Variants in GDPD1 observed in about 807,000 individuals in gnomAD.
GDPD1 encodes the protein glycerophosphodiester phosphodiesterase domain containing 1.
A neutral mutation model predicts 45.1 loss-of-function variants in GDPD1; 28 were observed. The ratio of observed to expected loss-of-function variants is 0.62; its 90% CI spans 0.46 to 0.85. The LOEUF (loss-of-function observed/expected upper bound fraction) is 0.85. Among genes scored for constraint, GDPD1 ranks in the 40% least tolerant of loss-of-function variants. The pLI, the probability that GDPD1 is intolerant of heterozygous loss-of-function variation, is 0.00. For synonymous variants in GDPD1, 139 were observed against 131.4 expected, an observed-to-expected ratio of 1.06 and a Z score of -0.40; for missense variants, 256 against 364.8, an observed-to-expected ratio of 0.70 and a Z score of 2.43.
intron 2 of GDPD1, among the ~76,000 whole-genome samples, chr17:59,240,728 C>T (rs1481303385): frequency 6.6e-6 from 1 of 152,156 alleles, no homozygotes; most frequent in Non-Finnish European, 1.5e-5. Context: ...GGCTCGGCCT[C>T]CCAAAGTGTT....
chr17:59,273,929 A>G lies in GDPD1; in HGVS notation c.*156A>G, dbSNP rs977092376. 1.6e-5 allele frequency: 13 copies of G among 825,092 alleles called. No individual in the cohort carries two copies. The highest frequency in any genetic ancestry group is 6.0e-6 in the Non-Finnish European group (4 of 661,216). 51.1% of individuals were successfully genotyped at this position (825,092 alleles called of 1,614,324 possible). ...CTGTATGAGAATGTAGAAACTATAT[A>G]TTATATGTATATTTATTTTAAATAA... On this transcript the variant is annotated 3_prime_UTR_variant, in exon 10 of 10. Transcript: ENST00000284116.
Position 59,272,812 on chromosome 17 carries a change from C to T in GDPD1, c.798C>T (p.Asp266=), listed in dbSNP as rs2047453542. 1 of 1,613,178 alleles carries T rather than the reference C, an allele frequency of 6.2e-7. No homozygotes were observed. Among genetic ancestry groups the T allele is most frequent in the Non-Finnish European group, 8.5e-7 (1 of 1,179,166 alleles). The change falls in exon 9 of 10, where the codon GAC becomes GAT. Residue 266 remains aspartate, a synonymous_variant. Coordinates refer to ENST00000284116, the MANE Select transcript of GDPD1 (RefSeq NM_182569.4). ...TACTAATGAGGAAAGCTTTGTTTGA[C>T]CACCTAACTGCTCGAGGCATTCAAG... ...DLLLMRKALF[D]HLTARGIQVY...
chr17:59,222,410 C>T (rs148668996), intron 1 of GDPD1, among the ~76,000 whole-genome samples: 3 of 148,048 alleles, frequency 2.0e-5, no homozygotes, highest in Non-Finnish European at 4.4e-5. Context: ...GTTTCACTGT[C>T]TGAGCCAGGA....
At chr17:59,240,324 T>C (rs2047166433) in intron 2 of GDPD1, among the ~76,000 whole-genome samples, 1 of 150,868 alleles carries the variant, frequency 6.6e-6, no homozygotes, top group Non-Finnish European at 1.5e-5. Flanking sequence ...AAATGTTAAA[T>C]AGAAAAAAAC....
In GDPD1 at chr17:59,273,820, A is replaced by C; in HGVS notation, c.*47A>C. On this transcript the variant is annotated 3_prime_UTR_variant, in exon 10 of 10. Coordinates refer to ENST00000284116, the MANE Select transcript of GDPD1 (RefSeq NM_182569.4). ...TTGAAGGAAAAAATGAAGACCTAAG[A>C]AAAAAATATTTCATGATCATTTCCC... is the stretch of plus-strand genomic sequence containing the variant. The C allele has an allele frequency of 6.7e-7, 1 of 1,500,722 alleles. No individual in the cohort carries two copies. The highest frequency in any genetic ancestry group is 8.9e-7 in the Non-Finnish European group (1 of 1,126,004). The allele number at this position is 1,500,722 out of a possible 1,614,324, so 93.0% of individuals were successfully genotyped here.
intron 3 of GDPD1, among the ~76,000 whole-genome samples, chr17:59,246,075 G>A (rs1040516624): frequency 6.6e-5 from 10 of 151,560 alleles, no homozygotes; most frequent in Non-Finnish European, 1.3e-4. Flanking sequence ...AGCCAAGATT[G>A]CGCCACTGCA....
intron 2 of GDPD1, among the ~76,000 whole-genome samples, chr17:59,244,863 G>A (rs1403925358): frequency 2.6e-5 from 4 of 151,658 alleles, no homozygotes; most frequent in Non-Finnish European, 4.4e-5. Context: ...GGGCACAGTG[G>A]CATCCATCTG....
intron 4 of GDPD1, among the ~76,000 whole-genome samples, chr17:59,251,881 T>A (rs1178831588): frequency 6.7e-6 from 1 of 148,996 alleles, no homozygotes; most frequent in Non-Finnish European, 1.5e-5. Context: ...CATGGTGGTA[T>A]GCACCTGTGG....
chr17:59,243,534 G>A (rs960176089), intron 2 of GDPD1, among the ~76,000 whole-genome samples: 10 of 151,464 alleles, frequency 6.6e-5, no homozygotes, highest in African/African-American at 2.2e-4. Context: ...AAAAGTGAGC[G>A]AACTGGGGCA....
At chr17:59,269,087 A>G (rs2047424108) in intron 7 of GDPD1, among the ~76,000 whole-genome samples, 1 of 152,054 alleles carries the variant, frequency 6.6e-6, no homozygotes, top group Non-Finnish European at 1.5e-5. Context: ...TCACAAAGTC[A>G]GGAGTTCAAC....
At chr17:59,258,286 C>T (rs2047325060) in intron 6 of GDPD1, among the ~76,000 whole-genome samples, 1 of 151,770 alleles carries the variant, frequency 6.6e-6, no homozygotes, top group South Asian at 2.1e-4. Context: ...TGGCTCACGC[C>T]TGTAATCCCA....
intron 2 of GDPD1, among the ~76,000 whole-genome samples, chr17:59,237,587 C>T (rs557589593): frequency 3.3e-5 from 5 of 152,064 alleles, no homozygotes; most frequent in African/African-American, 1.2e-4. Flanking sequence ...AAACTTAGAT[C>T]TTATTTATGT....
intron 7 of GDPD1, among the ~76,000 whole-genome samples, chr17:59,268,904 C>T (rs561433575): frequency 6.6e-6 from 1 of 151,592 alleles, no homozygotes; most frequent in African/African-American, 2.4e-5. Flanking sequence ...TAGCCAGGCT[C>T]GCCTGAACAC....
At chr17:59,246,055 G>T (rs1312035764) in intron 3 of GDPD1, among the ~76,000 whole-genome samples, 1 of 151,962 alleles carries the variant, frequency 6.6e-6, no homozygotes, top group Non-Finnish European at 1.5e-5. Context: ...GGGAGGTGGA[G>T]GTTGCAGTGA....
rs181022489 is a variant in GDPD1, at chr17:59,271,726, T to G, written c.770+731T>G. The stretch of plus-strand genomic sequence containing the variant: ...GGTGTGATCTCGGCTCACCGCTTCC[T>G]GGGTTCAAGTGATTCTTCTGCCTCA... On this transcript the variant is annotated intron_variant, in intron 8 of 9. Transcript: ENST00000284116. Among the ~76,000 whole-genome samples the G allele has an allele frequency of 4.3e-4, 65 of 151,764 alleles. 1 individual carries two copies. In the East Asian group the frequency reaches 0.012, roughly 28 times the overall value.
At chr17:59,271,912 G>A (rs2047447362) in intron 8 of GDPD1, among the ~76,000 whole-genome samples, 1 of 152,102 alleles carries the variant, frequency 6.6e-6, no homozygotes, top group Non-Finnish European at 1.5e-5. Context: ...TGGGATTACA[G>A]GTGTGAGCCA....
intron 6 of GDPD1, 110 bp from the exon 7 acceptor site, chr17:59,266,931 C>A: frequency 1.1e-6 from 1 of 876,940 alleles, no homozygotes; most frequent in South Asian, 1.6e-5. Context: ...CCCAGGAATG[C>A]TTGTAATAGA....
At chr17:59,247,751 C>T (rs1035425926) in intron 3 of GDPD1, among the ~76,000 whole-genome samples, 1 of 151,924 alleles carries the variant, frequency 6.6e-6, no homozygotes, top group Admixed American at 6.6e-5. Flanking sequence ...TGCCTCAGCC[C>T]CCCCAAATAG....
intron 2 of GDPD1, among the ~76,000 whole-genome samples, chr17:59,243,323 T>C (rs1039194835): frequency 1.3e-5 from 2 of 152,102 alleles, no homozygotes; most frequent in Non-Finnish European, 2.9e-5. Flanking sequence ...CTGGCCAATA[T>C]GGTAAAACTC....
Sources: allele counts gnomAD v4.1 joint callset (sites outside exome capture counted in the v4.1 genomes callset), GRCh38; gene constraint gnomAD v4.1.1; transcripts MANE v1.5; gene names NCBI Gene and HGNC (gene_info 2026-07-23, HGNC 2026-07-21).